ARL14EPL: variants seen among roughly 807,000 people sequenced by gnomAD.
The protein encoded by ARL14EPL is ARL14 effector protein-like.
In ARL14EPL, 17 loss-of-function variants were observed where a neutral mutation model predicts 15.9. The ratio of observed to expected loss-of-function variants is 1.07; its 90% CI spans 0.73 to 1.60. The LOEUF (loss-of-function observed/expected upper bound fraction) is 1.60, where lower values mean the gene tolerates loss of function less well. Among genes scored for constraint, ARL14EPL ranks in the 40% most tolerant of loss-of-function variants. The pLI, the probability that ARL14EPL is intolerant of heterozygous loss-of-function variation, is 0.00. For missense variants in ARL14EPL, 214 were observed against 185.9 expected, an observed-to-expected ratio of 1.15 and a Z score of -0.88; for synonymous variants, 78 against 63.8, an observed-to-expected ratio of 1.22 and a Z score of -1.06.
intron 3 of ARL14EPL, among the ~76,000 whole-genome samples, chr5:116,056,821 T>C (rs1407032660): frequency 6.6e-6 from 1 of 152,212 alleles, no homozygotes; most frequent in African/African-American, 2.4e-5. Context: ...AATTAATTTT[T>C]GTATAAGGTG....
At position 116,054,053 on chromosome 5, in the gene ARL14EPL, A is replaced by G; in HGVS notation, c.136A>G (p.Asn46Asp). ...ERQLKCLAFRNPGPQVADFNP... is the reference protein window; with the variant it reads ...ERQLKCLAFRDPGPQVADFNP... ...GCAGTTAAAATGCTTGGCATTTCGA[A>G]ACCCTGGACCACAGGTAGCAGACTT... The change falls in exon 3 of 4, where the codon AAC becomes GAC. Residue 46 changes from asparagine to aspartate, a missense_variant. Transcript: ENST00000686077. 1 of 1,535,528 alleles carries G rather than the reference A, an allele frequency of 6.5e-7. No individual in the cohort carries two copies. Among genetic ancestry groups the G allele is most frequent in the Non-Finnish European group, 8.7e-7 (1 of 1,146,604 alleles).
At chr5:116,039,274 A>G (rs1229883385) in intron 1 of ARL14EPL, among the ~76,000 whole-genome samples, 1 of 152,148 alleles carries the variant, frequency 6.6e-6, no homozygotes, top group East Asian at 1.9e-4. Context: ...TCATCCTTCA[A>G]CAAATAGGTG....
intron 1 of ARL14EPL, among the ~76,000 whole-genome samples, chr5:116,048,442 G>C (rs937760164): frequency 2.0e-5 from 3 of 152,058 alleles, no homozygotes; most frequent in Non-Finnish European, 2.9e-5. Flanking sequence ...GATCCCTTTG[G>C]CAGACAGTGA....
chr5:116,039,185 T>TG (rs1333893264), intron 1 of ARL14EPL, among the ~76,000 whole-genome samples: 1 of 152,032 alleles, frequency 6.6e-6, no homozygotes, highest in Non-Finnish European at 1.5e-5. Flanking sequence ...CAGGGTTTGG[T>TG]GGGAAGGCTC....
intron 2 of ARL14EPL, chr5:116,052,124 T>C (rs1425070620): frequency 8.1e-6 from 13 of 1,612,128 alleles, no homozygotes; most frequent in Non-Finnish European, 1.0e-5. Context: ...GAGTTTGTCA[T>C]AGGTAGCTTT....
Position 116,052,280 on chromosome 5 carries a change from G to A in ARL14EPL, c.96+719G>A, listed in dbSNP as rs375883138. On this transcript the variant is annotated intron_variant, in intron 2 of 3. Coordinates refer to ENST00000686077, the MANE Select transcript of ARL14EPL (RefSeq NM_001195581.2). ...GTCCTTCTTCTCGTCGTCCTTGGGC[G>A]GCATTGCGAAGCTCGGAGAGTAGCA... is the stretch of plus-strand genomic sequence containing the variant. 2.2e-5 allele frequency: 33 copies of A among 1,504,796 alleles called. 1 individual carries two copies. The highest frequency in any genetic ancestry group is 1.5e-4 in the African/African-American group (11 of 71,868). 93.2% of individuals were successfully genotyped at this position (1,504,796 alleles called of 1,614,324 possible). A position where few individuals can be genotyped will look rare whatever the true frequency, so the allele number is the denominator to read the frequency against.
At chr5:116,034,567 T>C (rs929458813) in intron 1 of ARL14EPL, among the ~76,000 whole-genome samples, 2 of 152,166 alleles carry the variant, frequency 1.3e-5, no homozygotes, top group African/African-American at 2.4e-5. Context: ...TACCTCCTTT[T>C]ATAAATAAGT....
At chr5:116,046,931 G>T (rs1580413899) in intron 1 of ARL14EPL, among the ~76,000 whole-genome samples, 2 of 152,180 alleles carry the variant, frequency 1.3e-5, no homozygotes, top group East Asian at 3.9e-4. Context: ...AGAATTGCTG[G>T]TCTTGTAAGA....
chr5:116,058,109 C>T lies in ARL14EPL; in HGVS notation c.237-616C>T, dbSNP rs114515840. ...TCAGTCAGAGCTTACGATGTATGAT[C>T]CTCCAGTCTTGGTCACCTCCTTTCT... On this transcript the variant is annotated intron_variant, in intron 3 of 3. Transcript: ENST00000686077. Among the ~76,000 whole-genome samples the T allele has an allele frequency of 7.5e-3, 1,141 of 152,290 alleles. 13 individuals are homozygous for T. Among genetic ancestry groups the T allele is most frequent in the African/African-American group, 0.027 (1,104 of 41,550 alleles).
rs367958056 is a variant in ARL14EPL, at chr5:116,041,982, C to G, written c.-9-9475C>G. The stretch of plus-strand genomic sequence containing the variant: ...TAGCTGGGATTACAGGCATGAGCCA[C>G]TATGCTCGGCTAATTTTTTTATTTT... On this transcript the variant is annotated intron_variant, in intron 1 of 3. Transcript: ENST00000686077. 4.0e-4 allele frequency among the ~76,000 whole-genome samples: 61 copies of G among 152,220 alleles called. 1 individual carries two copies. In the South Asian group the frequency reaches 0.012, roughly 30 times the overall value.
chr5:116,053,756 T>C (rs1749450986), intron 2 of ARL14EPL, among the ~76,000 whole-genome samples: 1 of 152,228 alleles, frequency 6.6e-6, no homozygotes, highest in African/African-American at 2.4e-5. Flanking sequence ...AAAAGAATTC[T>C]TCTATTCCCC....
chr5:116,054,624 G>A (rs967936738), intron 3 of ARL14EPL, among the ~76,000 whole-genome samples: 2 of 152,152 alleles, frequency 1.3e-5, no homozygotes, highest in Non-Finnish European at 2.9e-5. Flanking sequence ...TAGGTCAGGA[G>A]ATCTAGACCA....
intron 1 of ARL14EPL, among the ~76,000 whole-genome samples, chr5:116,040,368 A>G (rs1389837132): frequency 1.3e-5 from 2 of 151,614 alleles, no homozygotes; most frequent in African/African-American, 4.8e-5. Context: ...TTTGGCTATA[A>G]TCGAAATTAA....
chr5:116,043,259 A>G (rs116422506), intron 1 of ARL14EPL, among the ~76,000 whole-genome samples: 4,224 of 151,844 alleles, frequency 0.028, 74 homozygotes, highest in African/African-American at 0.056. Context: ...TGATAATACC[A>G]CTCATAACTC....
At position 116,051,578 on chromosome 5, in the gene ARL14EPL, C is replaced by G; in HGVS notation, c.96+17C>G. ...AAACAACTGGTATGGCACACAGATT[C>G]TATGATTCCATGCTACTGGGGAGTG... On this transcript the variant is annotated intron_variant, in intron 2 of 3. Transcript: ENST00000686077. The G allele has an allele frequency of 6.6e-7, 1 of 1,510,024 alleles. No homozygotes were observed. The highest frequency in any genetic ancestry group is 1.2e-5 in the South Asian group (1 of 83,292). 93.5% of individuals were successfully genotyped at this position (1,510,024 alleles called of 1,614,324 possible).
intron 1 of ARL14EPL, among the ~76,000 whole-genome samples, chr5:116,046,539 G>T (rs1212131300): frequency 6.6e-6 from 1 of 152,160 alleles, no homozygotes; most frequent in Non-Finnish European, 1.5e-5. Flanking sequence ...TCCCTCAAGG[G>T]ATGTGGTTCC....
chr5:116,033,259 T>C (rs898681504), intron 1 of ARL14EPL, among the ~76,000 whole-genome samples: 23 of 152,350 alleles, frequency 1.5e-4, no homozygotes, highest in African/African-American at 5.1e-4. Flanking sequence ...TGATACAAAT[T>C]CAATAGTAAC....
intron 2 of ARL14EPL, among the ~76,000 whole-genome samples, chr5:116,053,538 G>A (rs1357922471): frequency 6.6e-6 from 1 of 152,150 alleles, no homozygotes; most frequent in African/African-American, 2.4e-5. Context: ...GTCCCGGGTA[G>A]GGAGTAGCTC....
chr5:116,045,745 AG>A (rs1749253690), intron 1 of ARL14EPL, among the ~76,000 whole-genome samples: 1 of 148,650 alleles, frequency 6.7e-6, no homozygotes, highest in Non-Finnish European at 1.5e-5. Context: ...GACCCACAGA[AG>A]TGTGTGTGTG....
Sources: gnomAD v4.1 joint callset for allele counts (sites outside exome capture counted in the v4.1 genomes callset) on GRCh38, gnomAD v4.1.1 for gene constraint, MANE v1.5 for transcripts, NCBI Gene and HGNC (gene_info 2026-07-23, HGNC 2026-07-21) for gene names.